SRPK2: variants seen among roughly 807,000 people sequenced by gnomAD.
The protein encoded by SRPK2 is SRSF protein kinase 2.
In SRPK2, 21 loss-of-function variants were observed where a neutral mutation model predicts 90.8. The ratio of observed to expected loss-of-function variants is 0.23; its 90% CI spans 0.16 to 0.33. The LOEUF (loss-of-function observed/expected upper bound fraction) is 0.33, where lower values mean the gene tolerates loss of function less well. Ranked by LOEUF, SRPK2 falls within the 10% of genes least tolerant of loss-of-function variation. The probability of loss-of-function intolerance (pLI) is 1.00; values close to 1 mark genes in which losing one functional copy is unlikely to be tolerated. For synonymous variants in SRPK2, 288 were observed against 311.1 expected, an observed-to-expected ratio of 0.93 and a Z score of 0.78; for missense variants, 620 against 869.0, an observed-to-expected ratio of 0.71 and a Z score of 3.60.
chr7:105,141,979 G>C, intron 11 of SRPK2, 29 bp downstream of exon 11: 1 of 1,580,156 alleles, frequency 6.3e-7, no homozygotes, highest in African/African-American at 1.4e-5. Flanking sequence ...GTCAGCGATG[G>C]CAGACAGTTG....
At chr7:105,350,331 C>T (rs1585833497) in intron 2 of SRPK2, among the ~76,000 whole-genome samples, 1 of 151,572 alleles carries the variant, frequency 6.6e-6, no homozygotes, top group East Asian at 2.0e-4. Flanking sequence ...AGGGTTTCAC[C>T]ATGTTGGCCA....
chr7:105,327,761 G>C (rs1296202438), intron 2 of SRPK2, among the ~76,000 whole-genome samples: 1 of 152,182 alleles, frequency 6.6e-6, no homozygotes, highest in Non-Finnish European at 1.5e-5. Flanking sequence ...ATACAGATTA[G>C]CTTATCTAAA....
upstream of SRPK2, among the ~76,000 whole-genome samples, chr7:105,391,965 A>G (rs1822194065): frequency 6.6e-6 from 1 of 152,256 alleles, no homozygotes; most frequent in Non-Finnish European, 1.5e-5. Context: ...GGTCATCCAT[A>G]AATGAATGGA....
chr7:105,181,919 C>T (rs1268036168), intron 3 of SRPK2, among the ~76,000 whole-genome samples: 1 of 142,814 alleles, frequency 7.0e-6, no homozygotes, highest in East Asian at 2.0e-4. Flanking sequence ...ACACAAAAAC[C>T]AAATGTAGGC....
chr7:105,132,925 C>T (rs763974790), intron 12 of SRPK2, 27 bp from the exon 13 acceptor site: 17 of 1,612,384 alleles, frequency 1.1e-5, no homozygotes, highest in African/African-American at 4.0e-5. Context: ...TGCATTACCA[C>T]GGAGCAACAC....
chr7:105,247,712 A>AT (rs199927526), intron 2 of SRPK2, among the ~76,000 whole-genome samples: 12 of 72,794 alleles, frequency 1.6e-4, no homozygotes, highest in Admixed American at 2.6e-4. Flanking sequence ...TTAACCACCT[A>AT]TTTTTTTTAA....
At chr7:105,361,620 A>C (rs1190624151) in intron 2 of SRPK2, among the ~76,000 whole-genome samples, 1 of 152,226 alleles carries the variant, frequency 6.6e-6, no homozygotes, top group African/African-American at 2.4e-5. Context: ...CTGGTACCAA[A>C]ACAGATATAT....
chr7:105,127,061 G>C lies in SRPK2; in HGVS notation c.1754C>G (p.Ala585Gly). 1 of 1,614,114 alleles carries C rather than the reference G, an allele frequency of 6.2e-7. No individual in the cohort carries two copies. Residue 585 changes from alanine (A) to glycine (G), a missense_variant and splice_region_variant, in exon 14 of 16, where the codon GCA (alanine) becomes GGA (glycine). Ala to Gly is a moderately conservative substitution (Grantham distance 60). Around this residue, in one of 8 missense-constraint regions of SRPK2, gnomAD observed 9 missense variants for 16.6 expected, o/e 0.54. Coordinates refer to ENST00000393651, the MANE Select transcript of SRPK2 (RefSeq NM_182692.3). ...PADIWSTACM[A>G]FELATGDYLF... ...ATAATCTCCCGTTGCCAGCTCAAAT[G>C]CCTAGGATACAACAGACGACATGCT...
At chr7:105,276,359 C>T (rs1355414945) in intron 2 of SRPK2, among the ~76,000 whole-genome samples, 1 of 151,914 alleles carries the variant, frequency 6.6e-6, no homozygotes, top group Non-Finnish European at 1.5e-5. Flanking sequence ...GGATTGAAGG[C>T]ATGAGCCACC....
intron 2 of SRPK2, among the ~76,000 whole-genome samples, chr7:105,259,698 A>C (rs1803916333): frequency 6.6e-6 from 1 of 152,200 alleles, no homozygotes; most frequent in African/African-American, 2.4e-5. Context: ...ATATAGACCA[A>C]TGGAACAGAA....
chr7:105,328,694 C>T lies in SRPK2; in HGVS notation c.71+59954G>A, dbSNP rs1351201554. ...CCTTGCTAACACGGTGAAACCCCAT[C>T]TCTACTAAAAATACAAAAAAATTAG... is the stretch of plus-strand genomic sequence containing the variant. On this transcript the variant is annotated intron_variant, in intron 2 of 15. Transcript: ENST00000393651. Among the ~76,000 whole-genome samples, 7 of 151,344 alleles carry T rather than the reference C, an allele frequency of 4.6e-5. No individual in the cohort carries two copies. In the South Asian group the frequency reaches 1.5e-3, roughly 32 times the overall value.
At chr7:105,361,086 T>C (rs1018030672) in intron 2 of SRPK2, among the ~76,000 whole-genome samples, 5 of 152,178 alleles carry the variant, frequency 3.3e-5, no homozygotes, top group African/African-American at 1.2e-4. Context: ...AACCCCATCA[T>C]CTCAGCCCAA....
intron 2 of SRPK2, among the ~76,000 whole-genome samples, chr7:105,344,893 T>C (rs1309769022): frequency 6.6e-6 from 1 of 150,586 alleles, no homozygotes; most frequent in African/African-American, 2.4e-5. Context: ...TCCCAACACT[T>C]TGGAGGCCGA....
chr7:105,116,536 G>A lies in SRPK2; in HGVS notation c.*1302C>T, dbSNP rs1368695504. On this transcript the variant is annotated 3_prime_UTR_variant, in exon 16 of 16. Coordinates refer to ENST00000393651, the MANE Select transcript of SRPK2 (RefSeq NM_182692.3). ...AAAGTCAAAAACGAGGCACCTTAAT[G>A]AATGTAAAATTTAAAATAAAAAGAC... 2 of 152,444 alleles carry A rather than the reference G, an allele frequency of 1.3e-5. No individual in the cohort carries two copies. The highest frequency in any genetic ancestry group is 2.9e-5 in the Non-Finnish European group (2 of 68,006). The allele number at this position is 152,444 out of a possible 1,614,324, so 9.4% of individuals were successfully genotyped here.
Position 105,148,008 on chromosome 7 carries a change from G to A in SRPK2, c.622-1350C>T, listed in dbSNP as rs530411066. Among the ~76,000 whole-genome samples the A allele has an allele frequency of 3.9e-5, 6 of 152,092 alleles. No individual in the cohort carries two copies. The East Asian group carries it at 1.2e-3, about 29-fold the overall frequency. The stretch of plus-strand genomic sequence containing the variant: ...TTGTGTGAACATACTTTTTTTGAGG[G>A]GAGGTATATACCTAGGAGTTACCGT... On this transcript the variant is annotated intron_variant, in intron 7 of 15. Transcript: ENST00000393651.
intron 2 of SRPK2, among the ~76,000 whole-genome samples, chr7:105,365,141 T>C (rs1192768208): frequency 1.3e-5 from 2 of 152,142 alleles, no homozygotes; most frequent in Non-Finnish European, 2.9e-5. Flanking sequence ...ATGTCCTCTA[T>C]GGCAATTTTT....
upstream of SRPK2, among the ~76,000 whole-genome samples, chr7:105,393,683 A>G (rs939532416): frequency 4.6e-5 from 7 of 151,756 alleles, no homozygotes; most frequent in African/African-American, 1.7e-4. Flanking sequence ...TAACACATAC[A>G]TGCAATTCAG....
intron 4 of SRPK2, among the ~76,000 whole-genome samples, 168 bp from the exon 5 acceptor site, chr7:105,168,263 C>A (rs565492560): frequency 6.6e-6 from 1 of 152,230 alleles, no homozygotes; most frequent in African/African-American, 2.4e-5. Flanking sequence ...AATTCCACCT[C>A]TGACTGCAAT....
intron 2 of SRPK2, among the ~76,000 whole-genome samples, chr7:105,318,177 C>T (rs1003807376): frequency 1.3e-5 from 2 of 152,298 alleles, no homozygotes; most frequent in East Asian, 1.9e-4. Flanking sequence ...TCACTGCAAC[C>T]GCCGCCTCCT....
Sources: allele counts gnomAD v4.1 joint callset (sites outside exome capture counted in the v4.1 genomes callset), GRCh38; gene constraint gnomAD v4.1.1; regional missense constraint gnomAD v4.1.1; transcripts MANE v1.5; gene names NCBI Gene and HGNC (gene_info 2026-07-23, HGNC 2026-07-21).